The following CCDC7 variants were observed in gnomAD, a reference collection of about 807,000 sequenced individuals.
CCDC7 encodes coiled-coil domain containing 7, also known as coiled-coil domain-containing protein 7.
A neutral mutation model predicts 196.9 loss-of-function variants in CCDC7; 183 were observed. The observed-to-expected ratio is 0.93, with a 90% CI of 0.82 to 1.05. The LOEUF is 1.05. Ranked by LOEUF, CCDC7 falls within the 50% of genes least tolerant of loss-of-function variation. The pLI is 0.00. For synonymous variants in CCDC7, 525 were observed against 484.6 expected (o/e 1.08, Z -1.10); for missense variants, 1,540 against 1,482.2 (o/e 1.04, Z -0.64).
At chr10:32,710,077 T>C (rs2080567647) in intron 24 of CCDC7, among the ~76,000 whole-genome samples, 1 of 152,216 alleles carries the variant, frequency 6.6e-6, no homozygotes, top group Admixed American at 6.5e-5. Flanking sequence ...TCTCATTCTC[T>C]GACTTTGCTT....
chr10:32,636,536 T>C (rs537007063), intron 20 of CCDC7, among the ~76,000 whole-genome samples: 149 of 152,330 alleles, frequency 9.8e-4, no homozygotes, highest in Non-Finnish European at 1.4e-3. Context: ...GCTTCATCCA[T>C]GTCCCTATAA....
In CCDC7 at chr10:32,565,541, C is replaced by A; in HGVS notation, c.1135-17C>A. 1 of 1,599,922 alleles carries A rather than the reference C, an allele frequency of 6.3e-7. No individual in the cohort carries two copies. The highest frequency in any genetic ancestry group is 8.5e-7 in the Non-Finnish European group (1 of 1,174,328). On this transcript the variant is annotated splice_polypyrimidine_tract_variant and intron_variant, in intron 13 of 41. Coordinates refer to ENST00000639629, the Ensembl canonical transcript of CCDC7. Reference sequence around the variant, plus strand: ...ATACCAAAGTAAATACCTTTTTTCCCCCTTCTTACTTCCTAGAAAGTAGCA... The same window carrying A: ...ATACCAAAGTAAATACCTTTTTTCCACCTTCTTACTTCCTAGAAAGTAGCA...
rs562629600 is a variant in CCDC7, at chr10:32,870,672, G to A, written c.4112-5675G>A. On this transcript the variant is annotated intron_variant, in intron 41 of 41. Transcript: ENST00000639629. ...ATGAGAGAGGGCATCCCTGTCTTGTGCCAGTTTTCAAAGGGAATGCTTCCA... is the reference window on the plus strand; with the variant it reads ...ATGAGAGAGGGCATCCCTGTCTTGTACCAGTTTTCAAAGGGAATGCTTCCA... Among the ~76,000 whole-genome samples the A allele has an allele frequency of 2.6e-5, 4 of 152,236 alleles. 1 individual carries two copies. The South Asian group carries it at 8.3e-4, about 32-fold the overall frequency.
At chr10:32,546,245 CACTG>C (rs1454361435) in intron 13 of CCDC7, among the ~76,000 whole-genome samples, 1 of 152,218 alleles carries the variant, frequency 6.6e-6, no homozygotes, top group Non-Finnish European at 1.5e-5. Flanking sequence ...TCTTGCTACT[CACTG>C]ACCTTAAATA....
At chr10:32,542,682 G>A (rs1307176879) in intron 11 of CCDC7, among the ~76,000 whole-genome samples, 1 of 148,246 alleles carries the variant, frequency 6.7e-6, no homozygotes, top group Non-Finnish European at 1.5e-5. Context: ...CATCTACCTT[G>A]GTTCACCTGT....
intron 11 of CCDC7, among the ~76,000 whole-genome samples, chr10:32,533,887 G>T (rs1165069082): frequency 6.6e-6 from 1 of 151,824 alleles, no homozygotes; most frequent in South Asian, 2.1e-4. Flanking sequence ...GTCTTACTTG[G>T]GTTGAATCTT....
At chr10:32,814,676 G>A (rs1245366651) in intron 31 of CCDC7, among the ~76,000 whole-genome samples, 3 of 152,152 alleles carry the variant, frequency 2.0e-5, no homozygotes, top group South Asian at 2.1e-4. Context: ...ATAAGAAGAT[G>A]AATATAACAG....
At chr10:32,659,006 C>G (rs949622456) in intron 20 of CCDC7, among the ~76,000 whole-genome samples, 1 of 147,754 alleles carries the variant, frequency 6.8e-6, no homozygotes, top group Non-Finnish European at 1.5e-5. Context: ...TTGACCATTT[C>G]TAGAGTTTTT....
chr10:32,668,370 C>T (rs1163484738), intron 21 of CCDC7, among the ~76,000 whole-genome samples: 8 of 152,042 alleles, frequency 5.3e-5, no homozygotes, highest in Non-Finnish European at 1.2e-4. Context: ...TTTCTTTCTC[C>T]TGCCTGATTG....
At chr10:32,655,627 A>T (rs1449156896) in intron 20 of CCDC7, among the ~76,000 whole-genome samples, 1 of 152,056 alleles carries the variant, frequency 6.6e-6, no homozygotes, top group Non-Finnish European at 1.5e-5. Context: ...TCTGGGTTCA[A>T]GTGATTCTCC....
exon 23 of CCDC7, chr10:32,689,059 A>T: frequency 6.3e-7 from 1 of 1,581,454 alleles, no homozygotes; most frequent in African/African-American, 1.3e-5. Context: ...GTAGCTCCTG[A>T]TAAAGAACCA....
intron 41 of CCDC7, among the ~76,000 whole-genome samples, chr10:32,861,770 CT>C (rs1416731917): frequency 6.6e-6 from 1 of 151,956 alleles, no homozygotes; most frequent in Non-Finnish European, 1.5e-5. Context: ...TGAACAGACA[CT>C]TCTCAAAATA....
rs56089046 is a variant in CCDC7, at chr10:32,619,910, C to CTTTTTTTTT, written c.1802-14322_1802-14314dup. ...CACTGCTCCCAGCCCTTCAATGTAC[C>CTTTTTTTTT]TTTTTTTTTTTTTTTTTTTTTTTTT... On this transcript the variant is annotated intron_variant, in intron 18 of 41. Coordinates refer to ENST00000639629, the Ensembl canonical transcript of CCDC7. Among the ~76,000 whole-genome samples, 211 of 79,268 alleles carry CTTTTTTTTT rather than the reference C, an allele frequency of 2.7e-3. 24 individuals are homozygous for CTTTTTTTTT. The highest frequency in any genetic ancestry group is 0.011 in the African/African-American group (170 of 15,304). 52.0% of individuals were successfully genotyped at this position (79,268 alleles called of 152,430 possible).
intron 30 of CCDC7, among the ~76,000 whole-genome samples, chr10:32,813,657 G>T (rs1387067086): frequency 6.6e-6 from 1 of 152,124 alleles, no homozygotes; most frequent in Non-Finnish European, 1.5e-5. Context: ...TACAGGTTGG[G>T]TATATTTTTA....
chr10:32,741,864 A>G (rs760139562), intron 28 of CCDC7, among the ~76,000 whole-genome samples: 2 of 152,154 alleles, frequency 1.3e-5, no homozygotes, highest in Non-Finnish European at 2.9e-5. Context: ...CTATTTCAAC[A>G]TACACGTTAC....
intron 18 of CCDC7, among the ~76,000 whole-genome samples, chr10:32,633,716 G>A (rs1295419772): frequency 9.1e-5 from 13 of 143,072 alleles, no homozygotes; most frequent in Non-Finnish European, 1.1e-4. Flanking sequence ...GTGTGTGTGT[G>A]TGTGTGTGTG....
intron 33 of CCDC7, among the ~76,000 whole-genome samples, chr10:32,839,566 T>C (rs1489234197): frequency 6.6e-6 from 1 of 151,928 alleles, no homozygotes; most frequent in African/African-American, 2.4e-5. Context: ...GGGACTTTAA[T>C]ACTCCACTGA....
At chr10:32,545,233 G>C (rs1295410645) in intron 13 of CCDC7, among the ~76,000 whole-genome samples, 1 of 152,202 alleles carries the variant, frequency 6.6e-6, no homozygotes, top group Non-Finnish European at 1.5e-5. Context: ...ACACTGGAAA[G>C]AGGACAACAA....
chr10:32,821,920 C>G (rs1290048150), intron 31 of CCDC7, among the ~76,000 whole-genome samples: 1 of 151,722 alleles, frequency 6.6e-6, no homozygotes, highest in Non-Finnish European at 1.5e-5. Context: ...TGTAACAAAC[C>G]TGCACGTTGT....
Sources: gnomAD v4.1 joint callset for allele counts (sites outside exome capture counted in the v4.1 genomes callset) on GRCh38, gnomAD v4.1.1 for gene constraint, MANE v1.5 for transcripts, NCBI Gene and HGNC (gene_info 2026-07-23, HGNC 2026-07-21) for gene names.